Variants in MYOM3 observed in about 807,000 individuals in gnomAD.
The protein encoded by MYOM3 is myomesin 3, also known as myomesin-3.
In MYOM3, 155 loss-of-function variants were observed where a neutral mutation model predicts 191.7. The observed-to-expected ratio is 0.81, with a 90% CI of 0.71 to 0.92. The LOEUF (loss-of-function observed/expected upper bound fraction) is 0.92, where lower values mean the gene tolerates loss of function less well. MYOM3 is among the 40% of genes least tolerant of loss of function. MYOM3 has a pLI of 0.00. For missense variants in MYOM3, 1,889 were observed against 1,890.6 expected, an observed-to-expected ratio of 1.00 and a Z score of 0.02; for synonymous variants, 757 against 762.9, an observed-to-expected ratio of 0.99 and a Z score of 0.13.
chr1:24,109,862 G>A (rs1331642785), intron 1 of MYOM3, among the ~76,000 whole-genome samples: 7 of 152,226 alleles, frequency 4.6e-5, no homozygotes, highest in African/African-American at 1.4e-4. Context: ...CTGGGGACAC[G>A]GTGGGCCACA....
intron 7 of MYOM3, 47 bp from the exon 8 acceptor site, chr1:24,095,533 A>G: frequency 1.3e-6 from 2 of 1,556,394 alleles, no homozygotes; most frequent in East Asian, 2.3e-5. Flanking sequence ...CAGAGCCCAC[A>G]TTCCTATGCT....
intron 36 of MYOM3, among the ~76,000 whole-genome samples, 186 bp from the exon 37 acceptor site, chr1:24,057,813 T>C (rs1172341255): frequency 1.3e-5 from 2 of 152,178 alleles, no homozygotes; most frequent in Admixed American, 1.3e-4. Context: ...CCTCAACCTT[T>C]TATTTTATTT....
chr1:24,108,639 T>C lies in MYOM3; in HGVS notation c.-3A>G, dbSNP rs2148563438. 6.5e-7 allele frequency: 1 copy of C among 1,548,510 alleles called. No individual in the cohort carries two copies. The highest frequency in any genetic ancestry group is 8.7e-7 in the Non-Finnish European group (1 of 1,149,284). ...CCCAAGCTGTGCGGCAGAGTCATGG[T>C]TACGAGAGCAACAACCTGTGAAGGC... On this transcript the variant is annotated 5_prime_UTR_variant, in exon 2 of 37. Transcript: ENST00000374434.
At chr1:24,091,096 C>T (rs1042421380) in intron 11 of MYOM3, 100 bp from the exon 12 acceptor site, 35 of 1,320,342 alleles carry the variant, frequency 2.7e-5, no homozygotes, top group Non-Finnish European at 3.3e-5. Flanking sequence ...GGAGCCTGCC[C>T]AGCTCATCTC....
chr1:24,101,232 G>C (rs1643929369), intron 5 of MYOM3, among the ~76,000 whole-genome samples: 1 of 152,138 alleles, frequency 6.6e-6, no homozygotes, highest in Admixed American at 6.5e-5. Context: ...CTCCAGTAGT[G>C]ATGTGGAGAA....
chr1:24,077,854 G>A (rs1286836137), intron 20 of MYOM3, among the ~76,000 whole-genome samples: 5 of 152,180 alleles, frequency 3.3e-5, no homozygotes, highest in Non-Finnish European at 7.3e-5. Flanking sequence ...CGGAGGGGGC[G>A]AGCCACTCAT....
At chr1:24,084,756 A>G in intron 15 of MYOM3, 117 bp from the exon 16 acceptor site, 2 of 951,586 alleles carry the variant, frequency 2.1e-6, no homozygotes, top group South Asian at 1.6e-5. Flanking sequence ...ATCAAGGTGC[A>G]TGAATTCCTG....
chr1:24,079,945 A>T, intron 20 of MYOM3, 71 bp downstream of exon 20: 1 of 1,371,812 alleles, frequency 7.3e-7, no homozygotes, highest in Non-Finnish European at 1.0e-6. Flanking sequence ...TCTGGAGGTC[A>T]TTCCAGCTCT....
rs1040702269 is a variant in MYOM3, at chr1:24,082,804, C to G, written c.1971-90G>C. ...AGAACAACTTTGTGGAATAAGTGGTCACCAGCGTGGTAGAATTTGAAGGTT... is the reference window on the plus strand; with the variant it reads ...AGAACAACTTTGTGGAATAAGTGGTGACCAGCGTGGTAGAATTTGAAGGTT... On this transcript the variant is annotated intron_variant, in intron 16 of 36. Coordinates refer to ENST00000374434, the MANE Select transcript of MYOM3 (RefSeq NM_152372.4). 15 of 1,442,176 alleles carry G rather than the reference C, an allele frequency of 1.0e-5. No homozygotes were observed. The East Asian group carries it at 3.9e-4, about 37-fold the overall frequency. 89.3% of individuals were successfully genotyped at this position (1,442,176 alleles called of 1,614,324 possible). A position where few individuals can be genotyped will look rare whatever the true frequency, so the allele number is the denominator to read the frequency against.
intron 5 of MYOM3, among the ~76,000 whole-genome samples, chr1:24,104,132 T>C (rs529434131): frequency 6.6e-6 from 1 of 152,338 alleles, no homozygotes; most frequent in Admixed American, 6.5e-5. Flanking sequence ...GGCATAATGG[T>C]TCCTATCTCA....
chr1:24,069,467 C>T (rs1557603517), intron 25 of MYOM3, among the ~76,000 whole-genome samples: 1 of 152,238 alleles, frequency 6.6e-6, no homozygotes, highest in Non-Finnish European at 1.5e-5. Context: ...GTCATATAAC[C>T]CACAGCAGGT....
In MYOM3 at chr1:24,108,513, T is replaced by C. The variant is rs745715447; in HGVS notation, c.124A>G (p.Met42Val). 8.9e-6 allele frequency: 14 copies of C among 1,580,518 alleles called. No homozygotes were observed. The highest frequency in any genetic ancestry group is 1.1e-5 in the Non-Finnish European group (13 of 1,163,942). Reference sequence around the variant, plus strand: ...GTCCGCCTCCGCACAGAGGAGCCCATGCGCAGGCTGTGCTGCCGCTCCTCC... The same window carrying C: ...GTCCGCCTCCGCACAGAGGAGCCCACGCGCAGGCTGTGCTGCCGCTCCTCC... ...QKEERQHSLR[M>V]GSSVRRRTFR... Residue 42 changes from methionine to valine, a missense_variant, in exon 2 of 37, where the codon ATG (methionine) becomes GTG (valine). By Grantham distance (21) the Met-to-Val change is conservative. Coordinates refer to ENST00000374434, the MANE Select transcript of MYOM3 (RefSeq NM_152372.4).
At chr1:24,071,752 A>C (rs1643534438) in intron 24 of MYOM3, among the ~76,000 whole-genome samples, 2 of 152,184 alleles carry the variant, frequency 1.3e-5, no homozygotes. Flanking sequence ...AAAAGAGGAA[A>C]ACACCCACAT....
chr1:24,057,534 G>A lies in MYOM3; in HGVS notation c.4144C>T (p.Arg1382Cys), dbSNP rs377022872. 8.1e-6 allele frequency: 13 copies of A among 1,614,004 alleles called. No homozygotes were observed. Among genetic ancestry groups the A allele is most frequent in the Admixed American group, 5.0e-5 (3 of 60,002 alleles). The change falls in exon 37 of 37, where the codon CGC (arginine) becomes TGC (cysteine). Residue 1382 changes from arginine to cysteine, a missense_variant. By Grantham distance (180) the Arg-to-Cys change is radical. Transcript: ENST00000374434. ...DQPVTFLDRY[R>C]MEVRGTEVTI... ...ACCTCTGTCCCCCTCACTTCCATGCGGTATCGGTCAAGGAAGGTGACAGGC... is the reference window on the plus strand; with the variant it reads ...ACCTCTGTCCCCCTCACTTCCATGCAGTATCGGTCAAGGAAGGTGACAGGC...
intron 27 of MYOM3, among the ~76,000 whole-genome samples, chr1:24,067,321 T>C (rs138681647): frequency 0.068 from 6,924 of 101,718 alleles, 717 homozygotes; most frequent in African/African-American, 0.14. Context: ...TCTTTCTTTC[T>C]TTCCTTCTTT....
At chr1:24,109,683 T>C (rs2148563835) in intron 1 of MYOM3, among the ~76,000 whole-genome samples, 1 of 152,296 alleles carries the variant, frequency 6.6e-6, no homozygotes, top group East Asian at 1.9e-4. Context: ...ATAACCCAAA[T>C]GAGGACAGCA....
intron 24 of MYOM3, among the ~76,000 whole-genome samples, chr1:24,071,718 T>G (rs367759950): frequency 6.6e-5 from 10 of 152,310 alleles, no homozygotes; most frequent in Admixed American, 5.9e-4. Flanking sequence ...TCCTAATGAC[T>G]AAAGAGCCAA....
At chr1:24,105,167 C>T (rs1643972157) in intron 5 of MYOM3, among the ~76,000 whole-genome samples, 1 of 152,204 alleles carries the variant, frequency 6.6e-6, no homozygotes, top group Admixed American at 6.5e-5. Flanking sequence ...CCTGCTTTCC[C>T]AGCCCCCTTC....
intron 2 of MYOM3, 122 bp from the exon 3 acceptor site, chr1:24,108,195 C>T: frequency 1.1e-6 from 1 of 925,236 alleles, no homozygotes; most frequent in Non-Finnish European, 1.6e-6. Flanking sequence ...TGCCTCCCTC[C>T]TCATACTGGG....
Sources: allele counts gnomAD v4.1 joint callset (sites outside exome capture counted in the v4.1 genomes callset), GRCh38; gene constraint gnomAD v4.1.1; transcripts MANE v1.5; gene names NCBI Gene and HGNC (gene_info 2026-07-23, HGNC 2026-07-21).